The following FKTN variants were observed in gnomAD, a reference collection of about 807,000 sequenced individuals.
The protein encoded by FKTN is ribitol-5-phosphate transferase FKTN.
Under a neutral mutation model 58.6 loss-of-function variants are expected in FKTN, and 47 were observed. The ratio of observed to expected loss-of-function variants is 0.80; its 90% confidence interval spans 0.63 to 1.02. The LOEUF (loss-of-function observed/expected upper bound fraction) is 1.02, where lower values mean the gene tolerates loss of function less well. FKTN is among the 50% of genes least tolerant of loss of function. The probability of loss-of-function intolerance (pLI) is 0.00; values close to 1 mark genes in which losing one functional copy is unlikely to be tolerated. For missense variants in FKTN, 516 were observed against 537.3 expected (o/e 0.96, Z 0.39); for synonymous variants, 178 against 191.9 (o/e 0.93, Z 0.60).
rs142604625 is a variant in FKTN at position 105,607,852 on chromosome 9, G to A, written c.681G>A (p.Leu227=). ...TACAGCAAGTTACTGTTGATGGACT[G>A]GAAGTTCTCATTCCAAAGGATCCAA... The part of the protein sequence containing the change: ...PELQQVTVDG[L]EVLIPKDPMH... The change falls in exon 7 of 11, where the codon CTG becomes CTA. Residue 227 remains leucine, a synonymous_variant. Coordinates refer to ENST00000357998, the MANE Select transcript of FKTN (RefSeq NM_001079802.2). 271 of 1,612,740 alleles carry A rather than the reference G, an allele frequency of 1.7e-4. No homozygotes were observed. The African/African-American group carries it at 3.2e-3, about 19-fold the overall frequency.
At chr9:105,601,515 A>T (rs1366951900) in intron 5 of FKTN, among the ~76,000 whole-genome samples, 167 bp downstream of exon 5, 1 of 152,182 alleles carries the variant, frequency 6.6e-6, no homozygotes, top group Non-Finnish European at 1.5e-5. Context: ...CACTAAGGCA[A>T]ATAGGGGATT....
chr9:105,635,229 A>G lies in FKTN; in HGVS notation c.1351A>G (p.Ile451Val), dbSNP rs1833944748. ...PNVQPNGIWP[I>V]SEWDEVIQLY ...TGTGCAACCCAATGGAATCTGGCCT[A>G]TTTCTGAGTGGGATGAGGTTATCCA... is the stretch of plus-strand genomic sequence containing the variant. Residue 451 changes from isoleucine (I) to valine (V), a missense_variant, in exon 11 of 11, where the codon ATT becomes GTT. Transcript: ENST00000357998. 3 of 1,614,044 alleles carry G rather than the reference A, an allele frequency of 1.9e-6. No homozygotes were observed. The highest frequency in any genetic ancestry group is 2.2e-5 in the East Asian group (1 of 44,892).
Position 105,639,055 on chromosome 9 carries a change from AAC to A in FKTN, c.*3793_*3794del. ...CCCTAGTTTCACTTTCTGGAAAGTG[AAC>A]AGTTTTTTAAATCCTAAATGTTATA... On this transcript the variant is annotated 3_prime_UTR_variant, in exon 11 of 11. Transcript: ENST00000357998. 1.0e-6 allele frequency: 1 copy of A among 985,368 alleles called. No homozygotes were observed. Among genetic ancestry groups the A allele is most frequent in the Non-Finnish European group, 1.2e-6 (1 of 829,852 alleles). The allele number at this position is 985,368 out of a possible 1,614,324, so 61.0% of individuals were successfully genotyped here.
In FKTN at chr9:105,635,209, A is replaced by T; in HGVS notation, c.1331A>T (p.Gln444Leu). ...TGGAAGCGCTCTCCTCCCAATGTGCAACCCAATGGAATCTGGCCTATTTCT... is the reference window on the plus strand; with the variant it reads ...TGGAAGCGCTCTCCTCCCAATGTGCTACCCAATGGAATCTGGCCTATTTCT... ...WDWKRSPPNV[Q>L]PNGIWPISEW... Residue 444 changes from glutamine to leucine, a missense_variant, in exon 11 of 11, where the codon CAA (glutamine) becomes CTA (leucine). Coordinates refer to ENST00000357998, the MANE Select transcript of FKTN (RefSeq NM_001079802.2). 6.2e-7 allele frequency: 1 copy of T among 1,614,236 alleles called. No homozygotes were observed. Among genetic ancestry groups the T allele is most frequent in the Non-Finnish European group, 8.5e-7 (1 of 1,180,024 alleles).
chr9:105,593,189 G>A (rs1196502397), intron 3 of FKTN, among the ~76,000 whole-genome samples: 3 of 152,200 alleles, frequency 2.0e-5, no homozygotes, highest in Non-Finnish European at 4.4e-5. Context: ...GGCAGAAGGT[G>A]AAGGCGGAAC....
At chr9:105,589,880 A>G (rs1247083259) in intron 3 of FKTN, among the ~76,000 whole-genome samples, 2 of 152,188 alleles carry the variant, frequency 1.3e-5, no homozygotes, top group Admixed American at 6.5e-5. Flanking sequence ...TGAGAACAGC[A>G]TAGAGATCAA....
intron 7 of FKTN, among the ~76,000 whole-genome samples, chr9:105,612,851 G>C (rs1333906376): frequency 6.6e-6 from 1 of 152,104 alleles, no homozygotes; most frequent in African/African-American, 2.4e-5. Context: ...TGTAATCCCA[G>C]CTACTTGGAA....
At chr9:105,614,844 G>T (rs1830519310) in intron 7 of FKTN, among the ~76,000 whole-genome samples, 1 of 151,292 alleles carries the variant, frequency 6.6e-6, no homozygotes. Context: ...AATATAAAAA[G>T]ATTATATGGG....
intron 10 of FKTN, among the ~76,000 whole-genome samples, chr9:105,625,453 A>G (rs1832631367): frequency 6.6e-6 from 1 of 152,174 alleles, no homozygotes; most frequent in African/African-American, 2.4e-5. Context: ...GTAATAAAGA[A>G]TCTCTCTCAT....
intron 7 of FKTN, among the ~76,000 whole-genome samples, chr9:105,612,816 T>G (rs1396437263): frequency 6.6e-6 from 1 of 151,934 alleles, no homozygotes; most frequent in African/African-American, 2.4e-5. Context: ...CACACAAAAA[T>G]TAGCTGGACA....
chr9:105,620,901 T>C (rs886876999), intron 10 of FKTN, among the ~76,000 whole-genome samples: 2 of 152,014 alleles, frequency 1.3e-5, no homozygotes, highest in Admixed American at 6.6e-5. Flanking sequence ...TATTAAACTG[T>C]TACATCTATT....
intron 3 of FKTN, 86 bp from the exon 4 acceptor site, chr9:105,596,512 A>T (rs1826829142): frequency 2.4e-6 from 2 of 834,034 alleles, no homozygotes; most frequent in Non-Finnish European, 4.2e-6. Context: ...TAAGCTAATT[A>T]TATTTTGAAT....
At chr9:105,570,811 T>G (rs1840607552) in intron 1 of FKTN, among the ~76,000 whole-genome samples, 1 of 152,150 alleles carries the variant, frequency 6.6e-6, no homozygotes, top group East Asian at 1.9e-4. Flanking sequence ...TATTGAAGAC[T>G]TCCTTGAAGA....
At chr9:105,595,185 G>C (rs960277374) in intron 3 of FKTN, among the ~76,000 whole-genome samples, 1 of 152,114 alleles carries the variant, frequency 6.6e-6, no homozygotes, top group Non-Finnish European at 1.5e-5. Context: ...GAGGAAAGGG[G>C]AGTGGCTGTT....
chr9:105,581,029 A>C (rs1275630999), intron 3 of FKTN, among the ~76,000 whole-genome samples: 1 of 141,974 alleles, frequency 7.0e-6, no homozygotes, highest in Non-Finnish European at 1.5e-5. Context: ...AGCTCCTTTA[A>C]GTACTTCTCT....
chr9:105,603,584 C>T (rs1828288475), intron 5 of FKTN: 1 of 149,446 alleles, frequency 6.7e-6, no homozygotes, highest in Non-Finnish European at 1.5e-5. Context: ...GTCCTTAAAT[C>T]AACATTTACT....
chr9:105,625,603 G>A (rs545394012), intron 10 of FKTN, among the ~76,000 whole-genome samples: 2 of 152,150 alleles, frequency 1.3e-5, no homozygotes, highest in Non-Finnish European at 2.9e-5. Context: ...GAGGTGACCG[G>A]AAGAAATGGT....
At chr9:105,561,923 C>T (rs1838364981) in intron 1 of FKTN, among the ~76,000 whole-genome samples, 1 of 148,734 alleles carries the variant, frequency 6.7e-6, no homozygotes, top group African/African-American at 2.5e-5. Flanking sequence ...TGAAAAATGT[C>T]GATTTTTTTT....
At chr9:105,587,790 T>C (rs996278131) in intron 3 of FKTN, among the ~76,000 whole-genome samples, 3 of 152,226 alleles carry the variant, frequency 2.0e-5, no homozygotes, top group Non-Finnish European at 4.4e-5. Flanking sequence ...GTTTTGATTA[T>C]TAAGAATCAC....
Sources: gnomAD v4.1 joint callset for allele counts (sites outside exome capture counted in the v4.1 genomes callset) on GRCh38, gnomAD v4.1.1 for gene constraint, MANE v1.5 for transcripts, NCBI Gene and HGNC (gene_info 2026-07-23, HGNC 2026-07-21) for gene names.